MANSC1: variants seen among roughly 807,000 people sequenced by gnomAD.
The protein encoded by MANSC1 is MANSC domain-containing protein 1.
MANSC1 carries 13 observed loss-of-function variants against 14.1 expected under a neutral mutation model. The ratio of observed to expected loss-of-function variants is 0.92; its 90% confidence interval spans 0.60 to 1.46. The LOEUF is 1.46. MANSC1 is among the 40% of genes most tolerant of loss of function. The pLI, the probability that MANSC1 is intolerant of heterozygous loss-of-function variation, is 0.00. For missense variants in MANSC1, 486 were observed against 511.4 expected, an observed-to-expected ratio of 0.95 and a Z score of 0.48; for synonymous variants, 227 against 200.7, an observed-to-expected ratio of 1.13 and a Z score of -1.11.
chr12:12,340,550 A>T (rs2135994530), intron 2 of MANSC1, among the ~76,000 whole-genome samples: 2 of 152,316 alleles, frequency 1.3e-5, no homozygotes, highest in South Asian at 4.1e-4. Flanking sequence ...CCATCGTGTT[A>T]TGTGCATTTT....
Position 12,343,052 on chromosome 12 carries a change from A to G in MANSC1, c.223+40T>C, listed in dbSNP as rs189054747. ...CATCCCCCAGCTCCTGAAGCCACAA[A>G]ACACATGGAACAAAGGATTGCCAAG... On this transcript the variant is annotated intron_variant, in intron 2 of 3. Coordinates refer to ENST00000535902, the MANE Select transcript of MANSC1 (RefSeq NM_018050.4). 6.0e-4 allele frequency: 879 copies of G among 1,463,680 alleles called. 4 individuals are homozygous for G. The African/African-American group carries it at 8.2e-3, about 14-fold the overall frequency. 90.7% of individuals were successfully genotyped at this position (1,463,680 alleles called of 1,614,324 possible). A position where few individuals can be genotyped will look rare whatever the true frequency, so the allele number is the denominator to read the frequency against.
intron 1 of MANSC1, among the ~76,000 whole-genome samples, chr12:12,345,150 T>C (rs577857790): frequency 1.3e-5 from 2 of 149,068 alleles, no homozygotes; most frequent in South Asian, 2.1e-4. Flanking sequence ...TGAAACCCCA[T>C]CTCTATTAAA....
chr12:12,348,314 C>T (rs1288771204), intron 1 of MANSC1: 2 of 152,036 alleles, frequency 1.3e-5, no homozygotes, highest in African/African-American at 4.8e-5. Flanking sequence ...CCAAGATGCC[C>T]ATCAATAGAT....
Position 12,330,808 on chromosome 12 carries a change from A to G in MANSC1, c.515T>C (p.Leu172Pro). 6.2e-7 allele frequency: 1 copy of G among 1,614,162 alleles called. No individual in the cohort carries two copies. Among genetic ancestry groups the G allele is most frequent in the Non-Finnish European group, 8.5e-7 (1 of 1,180,046 alleles). ...KPTDISWRDT[L>P]SQKFGSSDHL... The stretch of plus-strand genomic sequence containing the variant: ...ATCTGAGGATCCAAACTTCTGAGAA[A>G]GTGTGTCTCTCCATGAGATATCGGT... Residue 172 changes from leucine to proline, a missense_variant, in exon 4 of 4, where the codon CTT becomes CCT. Coordinates refer to ENST00000535902, the MANE Select transcript of MANSC1 (RefSeq NM_018050.4).
chr12:12,344,915 CCATA>C (rs1185858740), intron 1 of MANSC1, among the ~76,000 whole-genome samples: 59 of 30,056 alleles, frequency 2.0e-3, no homozygotes, highest in Middle Eastern at 0.023. Flanking sequence ...TAATAAACTC[CCATA>C]TATATATATA....
intron 3 of MANSC1, among the ~76,000 whole-genome samples, chr12:12,336,092 C>G (rs1007192886): frequency 6.6e-6 from 1 of 152,058 alleles, no homozygotes; most frequent in South Asian, 2.1e-4. Context: ...GAGCTGAGAT[C>G]GCGCCACTGC....
chr12:12,335,451 C>A (rs971582347), intron 3 of MANSC1, among the ~76,000 whole-genome samples: 2 of 151,882 alleles, frequency 1.3e-5, no homozygotes, highest in African/African-American at 2.4e-5. Flanking sequence ...AGCAATTCTC[C>A]CGCCTCAGCC....
chr12:12,335,401 C>T (rs893264168), intron 3 of MANSC1, among the ~76,000 whole-genome samples: 7 of 151,300 alleles, frequency 4.6e-5, no homozygotes, highest in South Asian at 2.1e-4. Flanking sequence ...AGTGCAGTGG[C>T]GCAATCTCAG....
At position 12,328,911 on chromosome 12, in the gene MANSC1, C is replaced by G. The variant is rs1457269309; in HGVS notation, c.*1116G>C. On this transcript the variant is annotated 3_prime_UTR_variant, in exon 4 of 4. Coordinates refer to ENST00000535902, the MANE Select transcript of MANSC1 (RefSeq NM_018050.4). The stretch of plus-strand genomic sequence containing the variant: ...GCTGAGGCAGGAGAATGGCGGGAAC[C>G]CAGGAGGCGGAGCTGGCAGTGAGCC... 1 of 150,896 alleles carries G rather than the reference C, an allele frequency of 6.6e-6. No homozygotes were observed. Among genetic ancestry groups the G allele is most frequent in the Non-Finnish European group, 1.5e-5 (1 of 67,948 alleles). 9.3% of individuals were successfully genotyped at this position (150,896 alleles called of 1,614,324 possible).
intron 3 of MANSC1, among the ~76,000 whole-genome samples, chr12:12,333,706 C>G (rs779506493): frequency 5.3e-5 from 8 of 152,214 alleles, no homozygotes; most frequent in Non-Finnish European, 1.0e-4. Context: ...GTTTTATTTT[C>G]AAACGACTTC....
intron 2 of MANSC1, 29 bp downstream of exon 2, chr12:12,343,063 C>T: frequency 2.0e-6 from 3 of 1,527,320 alleles, no homozygotes; most frequent in Non-Finnish European, 2.7e-6. Context: ...ACACATGGAA[C>T]AAAGGATTGC....
At chr12:12,342,357 T>C (rs901018768) in intron 2 of MANSC1, among the ~76,000 whole-genome samples, 1 of 152,240 alleles carries the variant, frequency 6.6e-6, no homozygotes, top group African/African-American at 2.4e-5. Context: ...TTTTTTCATT[T>C]AGAGAACTCG....
intron 2 of MANSC1, 84 bp downstream of exon 2, chr12:12,343,008 G>A: frequency 2.1e-6 from 2 of 933,328 alleles, no homozygotes; most frequent in East Asian, 2.4e-5. Flanking sequence ...GAGAATCACT[G>A]GTATAAGTTA....
At chr12:12,335,721 A>G (rs559892221) in intron 3 of MANSC1, among the ~76,000 whole-genome samples, 1 of 151,602 alleles carries the variant, frequency 6.6e-6, no homozygotes, top group East Asian at 2.0e-4. Flanking sequence ...GCTTGCCTGT[A>G]GTCCCAGCTA....
chr12:12,348,357 G>C (rs1022179517), intron 1 of MANSC1: 30 of 152,192 alleles, frequency 2.0e-4, no homozygotes, highest in African/African-American at 7.2e-4. Flanking sequence ...CCATACATTG[G>C]AATATTACTC....
At chr12:12,342,080 C>T (rs938313696) in intron 2 of MANSC1, among the ~76,000 whole-genome samples, 1 of 152,354 alleles carries the variant, frequency 6.6e-6, no homozygotes, top group East Asian at 1.9e-4. Flanking sequence ...ATAGCTGGGA[C>T]TACATGCGTG....
intron 3 of MANSC1, among the ~76,000 whole-genome samples, chr12:12,331,799 A>C (rs1444846479): frequency 6.6e-6 from 1 of 152,164 alleles, no homozygotes; most frequent in Non-Finnish European, 1.5e-5. Flanking sequence ...CGACAACAAA[A>C]AACCAGAGAT....
At chr12:12,331,862 T>G (rs755444285) in intron 3 of MANSC1, among the ~76,000 whole-genome samples, 10 of 152,238 alleles carry the variant, frequency 6.6e-5, no homozygotes, top group Non-Finnish European at 1.2e-4. Flanking sequence ...GAGATTTCAT[T>G]TGGACTCTCA....
In MANSC1 at chr12:12,343,139, G is replaced by A; in HGVS notation, c.176C>T (p.Thr59Ile). ...GCAAGAATTAATGCAGTCTTCTTGAGTTGAAGTATATACGGGCTCATTGCC... is the reference window on the plus strand; with the variant it reads ...GCAAGAATTAATGCAGTCTTCTTGAATTGAAGTATATACGGGCTCATTGCC... The part of the protein sequence containing the change: ...IRGNEPVYTS[T>I]QEDCINSCCS... The change falls in exon 2 of 4, where the codon ACT becomes ATT. Residue 59 changes from threonine (T) to isoleucine (I), a missense_variant. Thr to Ile is a moderately conservative substitution (Grantham distance 89). Transcript: ENST00000535902. The A allele has an allele frequency of 5.0e-6, 8 of 1,614,008 alleles. No individual in the cohort carries two copies. The highest frequency in any genetic ancestry group is 6.8e-6 in the Non-Finnish European group (8 of 1,179,886).
Sources: gnomAD v4.1 joint callset for allele counts (sites outside exome capture counted in the v4.1 genomes callset) on GRCh38, gnomAD v4.1.1 for gene constraint, MANE v1.5 for transcripts, NCBI Gene and HGNC (gene_info 2026-07-23, HGNC 2026-07-21) for gene names.